The following ITSN1 variants were observed in gnomAD, a reference collection of about 807,000 sequenced individuals.
ITSN1 encodes the protein intersectin-1.
A neutral mutation model predicts 239.8 loss-of-function variants in ITSN1; 58 were observed. The ratio of observed to expected loss-of-function variants is 0.24; its 90% CI spans 0.20 to 0.30. The LOEUF is 0.30. ITSN1 is among the 10% of genes least tolerant of loss of function. The probability of loss-of-function intolerance (pLI) is 1.00; values close to 1 mark genes in which losing one functional copy is unlikely to be tolerated. For synonymous variants in ITSN1, 780 were observed against 770.8 expected (o/e 1.01, Z -0.20); for missense variants, 1,558 against 2,103.3 (o/e 0.74, Z 5.07).
chr21:33,813,241 C>T (rs1384578314), intron 21 of ITSN1, among the ~76,000 whole-genome samples: 2 of 151,950 alleles, frequency 1.3e-5, no homozygotes, highest in Non-Finnish European at 2.9e-5. Flanking sequence ...AGTGCAGTGG[C>T]GTGATCTCAG....
At chr21:33,798,463 A>G (rs2071733152) in intron 18 of ITSN1, among the ~76,000 whole-genome samples, 1 of 152,166 alleles carries the variant, frequency 6.6e-6, no homozygotes, top group South Asian at 2.1e-4. Context: ...TAAATGAAAG[A>G]CCAATCTAAT....
Position 33,865,011 on chromosome 21 carries a change from C to A in ITSN1, c.3891-140C>A. 2 of 717,126 alleles carry A rather than the reference C, an allele frequency of 2.8e-6. No homozygotes were observed. The highest frequency in any genetic ancestry group is 4.3e-6 in the Non-Finnish European group (2 of 461,398). The allele number at this position is 717,126 out of a possible 1,614,324, so 44.4% of individuals were successfully genotyped here. A position where few individuals can be genotyped will look rare whatever the true frequency, so the allele number is the denominator to read the frequency against. ...CCCTAGACTCATTTCTTTCTCCATT[C>A]CTTGTCTCCCAAATAGATCCTTTAG... is the stretch of plus-strand genomic sequence containing the variant. On this transcript the variant is annotated intron_variant, in intron 31 of 39. Transcript: ENST00000381318. This position sits in a 1 kb window ranked among gnomAD's most constrained non-coding sequence, Gnocchi z 4.4.
In ITSN1 at chr21:33,726,431, C is replaced by T. The variant is rs75966097; in HGVS notation, c.185+3780C>T. ...GTAAGTCCTTACTCCTTTTGGTAGA[C>T]GGAAGAATGGGTTTGACTCTGAAGT... On this transcript the variant is annotated intron_variant, in intron 4 of 39. Transcript: ENST00000381318. Among the ~76,000 whole-genome samples the T allele has an allele frequency of 4.5e-3, 684 of 152,036 alleles. 10 individuals carry two copies. Among genetic ancestry groups the T allele is most frequent in the African/African-American group, 0.015 (641 of 41,416 alleles).
chr21:33,817,086 C>T, intron 22 of ITSN1: 8 of 1,031,516 alleles, frequency 7.8e-6, no homozygotes, highest in Non-Finnish European at 1.0e-5. Flanking sequence ...TGAAGTAACT[C>T]TCTCTAGGCA....
rs148632088 is a variant in ITSN1, at chr21:33,658,940, G to A, written c.-33+16227G>A. ...ATGAGTCCTTTTGGATCTTATCTGA[G>A]TTCATGCTAATGAACTGGCTCCTGG... On this transcript the variant is annotated intron_variant, in intron 1 of 39. Transcript: ENST00000381318. Among the ~76,000 whole-genome samples the A allele has an allele frequency of 3.4e-3, 511 of 152,176 alleles. 2 individuals carry two copies. Among genetic ancestry groups the A allele is most frequent in the Non-Finnish European group, 4.1e-3 (282 of 68,012 alleles).
intron 36 of ITSN1, 92 bp downstream of exon 36, chr21:33,883,763 C>T: frequency 1.4e-6 from 2 of 1,472,188 alleles, no homozygotes; most frequent in Non-Finnish European, 1.9e-6. Flanking sequence ...CCAATGTTTC[C>T]CAAGTGGCAA....
rs1049706492 is a variant in ITSN1 at position 33,721,913 on chromosome 21, C to CT, written c.121+654dup. On this transcript the variant is annotated intron_variant, in intron 3 of 39. Transcript: ENST00000381318. ...CATGCCCAGCTAATTTTTTCTTCTT[C>CT]TTTTTTTTTTTGAGACAGAATTTCG... 345 of 143,888 alleles carry CT rather than the reference C, an allele frequency of 2.4e-3. 1 individual carries two copies. Among genetic ancestry groups the CT allele is most frequent in the African/African-American group, 7.1e-3 (279 of 39,556 alleles). The allele number at this position is 143,888 out of a possible 1,614,324, so 8.9% of individuals were successfully genotyped here. A position where few individuals can be genotyped will look rare whatever the true frequency, so the allele number is the denominator to read the frequency against.
intron 16 of ITSN1, among the ~76,000 whole-genome samples, chr21:33,789,578 C>T (rs1370392794): frequency 6.6e-6 from 1 of 152,094 alleles, no homozygotes. Flanking sequence ...TTCATAGACC[C>T]CTGTTGCTAT....
At chr21:33,690,729 C>G (rs8130864) in intron 1 of ITSN1, among the ~76,000 whole-genome samples, 59,207 of 124,476 alleles carry the variant, frequency 0.48, 15,492 homozygotes, top group Non-Finnish European at 0.58. Flanking sequence ...CCATTGCACT[C>G]CAGCCTGGGC....
At chr21:33,734,633 CTAA>C (rs1166104238) in intron 4 of ITSN1, among the ~76,000 whole-genome samples, 1 of 152,126 alleles carries the variant, frequency 6.6e-6, no homozygotes, top group Non-Finnish European at 1.5e-5. Flanking sequence ...TTTTTCTTTT[CTAA>C]TAGCTTTATT....
chr21:33,833,006 G>A (rs527801762), intron 27 of ITSN1, among the ~76,000 whole-genome samples: 4 of 151,764 alleles, frequency 2.6e-5, no homozygotes, highest in South Asian at 2.1e-4. Flanking sequence ...GTTTCTAGAC[G>A]TGTGTGTGTG....
chr21:33,713,388 C>T (rs918302525), intron 1 of ITSN1, among the ~76,000 whole-genome samples: 6 of 151,622 alleles, frequency 4.0e-5, no homozygotes, highest in African/African-American at 4.9e-5. Flanking sequence ...TACAGGCGCC[C>T]GCCACCACGC....
At position 33,891,875 on chromosome 21, in the gene ITSN1, T is replaced by C. The variant is rs184710220; in HGVS notation, c.*3575T>C. ...TTTCTAGTTGATTGGGCCTTTTTGA[T>C]TGATAAGAAGAAAATGTGTTTTGTA... On this transcript the variant is annotated 3_prime_UTR_variant, in exon 40 of 40. Transcript: ENST00000381318. 25 of 152,316 alleles carry C rather than the reference T, an allele frequency of 1.6e-4. No individual in the cohort carries two copies. In the East Asian group the frequency reaches 4.6e-3, roughly 28 times the overall value. The allele number at this position is 152,316 out of a possible 1,614,324, so 9.4% of individuals were successfully genotyped here. A position where few individuals can be genotyped will look rare whatever the true frequency, so the allele number is the denominator to read the frequency against.
chr21:33,685,638 A>C (rs1217340393), intron 1 of ITSN1, among the ~76,000 whole-genome samples: 1 of 148,382 alleles, frequency 6.7e-6, no homozygotes, highest in Admixed American at 6.7e-5. Context: ...AAAAAAAAAA[A>C]TTCTCTTTTT....
At chr21:33,860,565 C>T (rs1030519060) in intron 31 of ITSN1, among the ~76,000 whole-genome samples, 1 of 152,142 alleles carries the variant, frequency 6.6e-6, no homozygotes, top group Non-Finnish European at 1.5e-5. Context: ...GTGTGGGGGG[C>T]CAGGCCTGCG....
chr21:33,725,416 G>A (rs1391952354), intron 4 of ITSN1, among the ~76,000 whole-genome samples: 1 of 152,054 alleles, frequency 6.6e-6, no homozygotes, highest in Non-Finnish European at 1.5e-5. Context: ...TTACAGGCGT[G>A]AGTCACTGTG....
intron 33 of ITSN1, among the ~76,000 whole-genome samples, 157 bp downstream of exon 33, chr21:33,867,488 A>G (rs1295647544): frequency 6.6e-6 from 1 of 152,028 alleles, no homozygotes; most frequent in East Asian, 1.9e-4. Context: ...GGTAACTCAG[A>G]AAGAAAAGCT....
In ITSN1 at chr21:33,890,700, G is replaced by A. The variant is rs1986302394; in HGVS notation, c.*2400G>A. On this transcript the variant is annotated 3_prime_UTR_variant, in exon 40 of 40. Coordinates refer to ENST00000381318, the MANE Select transcript of ITSN1 (RefSeq NM_003024.3). ...GATGCATGGAGTCTCAAACCATTGG[G>A]CCTCTCTGTTCCTTCACCTCTACCT... The A allele has an allele frequency of 6.6e-6, 1 of 152,120 alleles. No individual in the cohort carries two copies. The highest frequency in any genetic ancestry group is 2.1e-4 in the South Asian group (1 of 4,824). 9.4% of individuals were successfully genotyped at this position (152,120 alleles called of 1,614,324 possible).
chr21:33,762,116 G>A (rs1332549484), intron 9 of ITSN1, 130 bp downstream of exon 9: 1 of 708,868 alleles, frequency 1.4e-6, no homozygotes, highest in Non-Finnish European at 2.5e-6. Flanking sequence ...TCAGTGAGTT[G>A]TAATGATTGC....
Sources: allele counts gnomAD v4.1 joint callset (sites outside exome capture counted in the v4.1 genomes callset), GRCh38; gene constraint gnomAD v4.1.1; non-coding constraint Gnocchi (gnomAD v3.1); transcripts MANE v1.5; gene names NCBI Gene and HGNC (gene_info 2026-07-23, HGNC 2026-07-21).